BICC1: variants seen among roughly 807,000 people sequenced by gnomAD.
BICC1 encodes BicC family RNA binding protein 1.
In BICC1, 43 loss-of-function variants were observed where a neutral mutation model predicts 111.0. The ratio of observed to expected loss-of-function variants is 0.39; its 90% CI spans 0.30 to 0.50. The LOEUF is 0.50. Among genes scored for constraint, BICC1 ranks in the 20% least tolerant of loss-of-function variants. The probability of loss-of-function intolerance (pLI) is 0.88; values close to 1 mark genes in which losing one functional copy is unlikely to be tolerated. For missense variants in BICC1, 1,091 were observed against 1,203.2 expected (o/e 0.91, Z 1.38); for synonymous variants, 467 against 434.4 (o/e 1.07, Z -0.93).
At chr10:58,683,415 A>G (rs867632074) in intron 2 of BICC1, among the ~76,000 whole-genome samples, 12 of 152,318 alleles carry the variant, frequency 7.9e-5, no homozygotes, top group Middle Eastern at 6.8e-3. Context: ...CAATTCTGTG[A>G]AGAAAGTCAT....
At chr10:58,825,241 G>A (rs1844360920) in intron 20 of BICC1, among the ~76,000 whole-genome samples, 1 of 152,146 alleles carries the variant, frequency 6.6e-6, no homozygotes, top group South Asian at 2.1e-4. Flanking sequence ...CATGGGGGCT[G>A]TGGCTTAATA....
rs1262692825 is a variant in BICC1 at position 58,830,674 on chromosome 10, T to G, written c.*1783T>G. On this transcript the variant is annotated 3_prime_UTR_variant, in exon 21 of 21. Coordinates refer to ENST00000373886, the MANE Select transcript of BICC1 (RefSeq NM_001080512.3). ...AGATAATGGGCCTGTCATAAAATTA[T>G]CAATTATAACTGGCACCGAGGGACT... is the stretch of plus-strand genomic sequence containing the variant. The G allele has an allele frequency of 2.6e-5, 4 of 152,216 alleles. No individual in the cohort carries two copies. Among genetic ancestry groups the G allele is most frequent in the African/African-American group, 9.6e-5 (4 of 41,460 alleles). 9.4% of individuals were successfully genotyped at this position (152,216 alleles called of 1,614,324 possible).
chr10:58,817,515 C>G lies in BICC1; in HGVS notation c.2534-47C>G, dbSNP rs1225136024. The G allele has an allele frequency of 3.1e-6, 5 of 1,604,432 alleles. No individual in the cohort carries two copies. In the African/African-American group the frequency reaches 5.4e-5, roughly 17 times the overall value. On this transcript the variant is annotated intron_variant, in intron 18 of 20. Transcript: ENST00000373886. ...TTAAAACTTTTAATTAAACCATGTT[C>G]TCTCTGGGCATTTACACTTCAAGCC...
intron 3 of BICC1, among the ~76,000 whole-genome samples, chr10:58,723,664 G>A (rs1449378879): frequency 6.6e-6 from 1 of 152,176 alleles, no homozygotes; most frequent in East Asian, 1.9e-4. Flanking sequence ...GCTAGAGAGG[G>A]CAGGGGCTGG....
At chr10:58,814,638 A>G (rs1331235456) in intron 18 of BICC1, among the ~76,000 whole-genome samples, 1 of 134,592 alleles carries the variant, frequency 7.4e-6, no homozygotes, top group Non-Finnish European at 1.6e-5. Flanking sequence ...AAAAAAAAAA[A>G]CAAGAGGCTG....
chr10:58,635,158 G>T (rs1837917010), intron 2 of BICC1, among the ~76,000 whole-genome samples: 1 of 152,096 alleles, frequency 6.6e-6, no homozygotes, highest in Admixed American at 6.5e-5. Context: ...AGGGTATACT[G>T]TGAGATACTA....
intron 2 of BICC1, among the ~76,000 whole-genome samples, chr10:58,638,905 C>CT (rs1237165579): frequency 2.0e-5 from 3 of 149,982 alleles, no homozygotes; most frequent in Non-Finnish European, 4.4e-5. Context: ...TTTTCTTTTC[C>CT]TTTTTCTTCC....
chr10:58,568,723 A>AT (rs1279037034), intron 1 of BICC1, among the ~76,000 whole-genome samples: 2 of 151,908 alleles, frequency 1.3e-5, no homozygotes, highest in African/African-American at 4.8e-5. Context: ...ACATCTTCAC[A>AT]TTTTTTCCTA....
At chr10:58,514,140 G>C (rs1018720022) in intron 1 of BICC1, among the ~76,000 whole-genome samples, 4 of 152,180 alleles carry the variant, frequency 2.6e-5, no homozygotes, top group Non-Finnish European at 5.9e-5. Flanking sequence ...TATAATACGA[G>C]TGTTGGAGTG....
At position 58,613,510 on chromosome 10, in the gene BICC1, T is replaced by C. The variant is rs192552296; in HGVS notation, c.191-7345T>C. Among the ~76,000 whole-genome samples, 497 of 152,276 alleles carry C rather than the reference T, an allele frequency of 3.3e-3. 3 individuals are homozygous for C. Among genetic ancestry groups the C allele is most frequent in the African/African-American group, 0.011 (472 of 41,562 alleles). On this transcript the variant is annotated intron_variant, in intron 1 of 20. Coordinates refer to ENST00000373886, the MANE Select transcript of BICC1 (RefSeq NM_001080512.3). ...CAGGCTCCATTTTGCCCTCCAAATA[T>C]AATGAAAAGGAAATGATTTGAGTCA...
At chr10:58,822,468 A>C (rs1472028276) in intron 20 of BICC1, among the ~76,000 whole-genome samples, 1 of 152,074 alleles carries the variant, frequency 6.6e-6, no homozygotes, top group African/African-American at 2.4e-5. Context: ...TAAAAAAATA[A>C]TATTTTTTCT....
chr10:58,621,009 G>T, intron 2 of BICC1, 108 bp downstream of exon 2: 1 of 885,980 alleles, frequency 1.1e-6, no homozygotes. Context: ...GAGGAGAACA[G>T]GTTTCTATAC....
intron 3 of BICC1, among the ~76,000 whole-genome samples, chr10:58,736,942 T>G (rs1406042515): frequency 6.6e-6 from 1 of 152,148 alleles, no homozygotes; most frequent in African/African-American, 2.4e-5. Flanking sequence ...TTATTTTATT[T>G]TATTTTTTTG....
chr10:58,702,125 G>A lies in BICC1; in HGVS notation c.289G>A (p.Gly97Arg), dbSNP rs762450004. 17 of 1,612,544 alleles carry A rather than the reference G, an allele frequency of 1.1e-5. No individual in the cohort carries two copies. Among genetic ancestry groups the A allele is most frequent in the Admixed American group, 3.3e-5 (2 of 59,838 alleles). Residue 97 changes from glycine (G) to arginine (R), a missense_variant, in exon 3 of 21, where the codon GGA (glycine) becomes AGA (arginine). Gly to Arg is a moderately radical substitution (Grantham distance 125, BLOSUM62 -2). This residue lies in a region of BICC1 where 843 missense variants were observed against 900.8 expected (regional missense o/e 0.94). Coordinates refer to ENST00000373886, the MANE Select transcript of BICC1 (RefSeq NM_001080512.3). ...TGCTTGGCCATCAAAACTGAAGATC[G>A]GAGCCAAATCCAAGAAAGGTAAATT... ...QIAWPSKLKI[G>R]AKSKKDPHIK...
rs192111455 is a variant in BICC1, at chr10:58,710,575, C to A, written c.307+8432C>A. Among the ~76,000 whole-genome samples, 585 of 152,276 alleles carry A rather than the reference C, an allele frequency of 3.8e-3. 1 individual carries two copies. The highest frequency in any genetic ancestry group is 6.7e-3 in the Non-Finnish European group (458 of 68,018). On this transcript the variant is annotated intron_variant, in intron 3 of 20. Transcript: ENST00000373886. ...TGTGTACATTTTTGAAAAGTGCTTG[C>A]CTCTGAATTTTACCTTGCTATTTCA...
chr10:58,523,282 A>C (rs1279311318), intron 1 of BICC1, among the ~76,000 whole-genome samples: 12 of 152,214 alleles, frequency 7.9e-5, no homozygotes, highest in Non-Finnish European at 1.8e-4. Flanking sequence ...ATCCCTGATG[A>C]ACATCGATGC....
At chr10:58,812,726 C>CCTTGA (rs1296481375) in intron 17 of BICC1, among the ~76,000 whole-genome samples, 2 of 152,126 alleles carry the variant, frequency 1.3e-5, no homozygotes, top group Non-Finnish European at 2.9e-5. Flanking sequence ...GATTCACCCA[C>CCTTGA]CTTGGCCTCC....
At chr10:58,700,096 T>G (rs1840185567) in intron 2 of BICC1, among the ~76,000 whole-genome samples, 1 of 152,230 alleles carries the variant, frequency 6.6e-6, no homozygotes, top group Non-Finnish European at 1.5e-5. Flanking sequence ...GAACTTAGTT[T>G]CTGTTTTGCA....
intron 1 of BICC1, among the ~76,000 whole-genome samples, chr10:58,544,369 T>G (rs923617627): frequency 2.0e-5 from 3 of 152,212 alleles, no homozygotes; most frequent in African/African-American, 7.2e-5. Context: ...TCAAGTTTAC[T>G]TATTTTAAAA....
Sources: gnomAD v4.1 joint callset for allele counts (sites outside exome capture counted in the v4.1 genomes callset) on GRCh38, gnomAD v4.1.1 for gene constraint, gnomAD v4.1.1 regional missense constraint, MANE v1.5 for transcripts, NCBI Gene and HGNC (gene_info 2026-07-23, HGNC 2026-07-21) for gene names.